SOX6: variants seen among roughly 807,000 people sequenced by gnomAD.
SOX6 encodes the protein SRY-box transcription factor 6.
In SOX6, 11 loss-of-function variants were observed where a neutral mutation model predicts 97.8. The observed-to-expected ratio is 0.11, with a 90% confidence interval of 0.07 to 0.19. The LOEUF (loss-of-function observed/expected upper bound fraction) is 0.19, where lower values mean the gene tolerates loss of function less well. SOX6 is among the 10% of genes least tolerant of loss of function. The probability of loss-of-function intolerance (pLI) is 1.00; values close to 1 mark genes in which losing one functional copy is unlikely to be tolerated. For synonymous variants in SOX6, 360 were observed against 371.4 expected (o/e 0.97, Z 0.35); for missense variants, 810 against 1,039.5 (o/e 0.78, Z 3.04).
chr11:15,972,867 T>A lies in SOX6; in HGVS notation c.2429A>T (p.Asp810Val). The A allele has an allele frequency of 6.2e-7, 1 of 1,614,192 alleles. No individual in the cohort carries two copies. ...TTCACTGCTATAGTCTGATTTGGGGTCATCTTCATAGTCATCATACATTTC... is the reference window on the plus strand; with the variant it reads ...TTCACTGCTATAGTCTGATTTGGGGACATCTTCATAGTCATCATACATTTC... ...EMEMYDDYED[D>V]PKSDYSSENE... Residue 810 changes from aspartate (D) to valine (V), a missense_variant, in exon 16 of 16, where the codon GAC becomes GTC. By Grantham distance (152) the Asp-to-Val change is radical (BLOSUM62 -3). Around this residue, in one of 9 missense-constraint regions of SOX6, gnomAD observed 122 missense variants for 153.4 expected, o/e 0.80. Transcript: ENST00000683767.
intron 3 of SOX6, among the ~76,000 whole-genome samples, chr11:16,633,105 G>C (rs1848735885): frequency 6.6e-6 from 1 of 152,196 alleles, no homozygotes. Context: ...GCTGAACCAG[G>C]AGAACAGGTG....
At chr11:16,384,420 T>C (rs528756139) in intron 1 of SOX6, among the ~76,000 whole-genome samples, 30 of 151,920 alleles carry the variant, frequency 2.0e-4, no homozygotes, top group Non-Finnish European at 3.2e-4. Context: ...AAAAATTTGA[T>C]TAGTTGTTGC....
intron 6 of SOX6, among the ~76,000 whole-genome samples, chr11:16,128,593 G>C (rs1218428971): frequency 6.6e-6 from 1 of 152,098 alleles, no homozygotes; most frequent in Non-Finnish European, 1.5e-5. Flanking sequence ...CAGATTTTCA[G>C]GGACAGAAAT....
intron 1 of SOX6, among the ~76,000 whole-genome samples, chr11:16,437,655 C>T (rs1282809812): frequency 6.6e-6 from 1 of 152,186 alleles, no homozygotes; most frequent in Non-Finnish European, 1.5e-5. Flanking sequence ...ACAGGGGCAA[C>T]TAACATTCAG....
intron 2 of SOX6, among the ~76,000 whole-genome samples, chr11:16,730,553 C>A (rs1848341769): frequency 6.6e-6 from 1 of 152,112 alleles, no homozygotes; most frequent in Non-Finnish European, 1.5e-5. Context: ...CCAATGAGAA[C>A]AAAGACACAA....
intron 3 of SOX6, among the ~76,000 whole-genome samples, chr11:16,708,061 C>G (rs1848150720): frequency 6.6e-6 from 1 of 152,230 alleles, no homozygotes; most frequent in East Asian, 1.9e-4. Flanking sequence ...ACAGTAATAA[C>G]AGTCACACAG....
At chr11:16,065,023 C>G (rs1362997385) in intron 9 of SOX6, among the ~76,000 whole-genome samples, 4 of 151,738 alleles carry the variant, frequency 2.6e-5, no homozygotes. Context: ...CTAGAGCAAT[C>G]AGACAAGAGA....
chr11:16,066,983 CT>C (rs1848108463), intron 9 of SOX6, among the ~76,000 whole-genome samples: 1 of 152,134 alleles, frequency 6.6e-6, no homozygotes, highest in African/African-American at 2.4e-5. Flanking sequence ...TGCATAGGGC[CT>C]GTAGCCCCTT....
chr11:16,684,849 C>T (rs1019138033), intron 3 of SOX6, among the ~76,000 whole-genome samples: 3 of 152,146 alleles, frequency 2.0e-5, no homozygotes, highest in Admixed American at 2.0e-4. Flanking sequence ...CACAATTCTG[C>T]AGGCTGCACA....
chr11:16,334,141 T>C (rs979918052), intron 2 of SOX6, among the ~76,000 whole-genome samples: 5 of 151,488 alleles, frequency 3.3e-5, no homozygotes, highest in African/African-American at 1.2e-4. Flanking sequence ...AAAATAAAAA[T>C]AAACATGACA....
chr11:16,497,217 G>A (rs1860615417), intron 4 of SOX6, among the ~76,000 whole-genome samples: 1 of 152,144 alleles, frequency 6.6e-6, no homozygotes, highest in Non-Finnish European at 1.5e-5. Context: ...GGACTAGAGT[G>A]GACCTCCAGC....
chr11:16,379,222 T>A (rs969848711), intron 1 of SOX6, among the ~76,000 whole-genome samples: 5 of 151,884 alleles, frequency 3.3e-5, no homozygotes, highest in Admixed American at 3.3e-4. Flanking sequence ...ATCCCAACAC[T>A]TTGGGAGGCT....
chr11:16,055,181 T>C (rs1022451989), intron 10 of SOX6, among the ~76,000 whole-genome samples: 1 of 152,176 alleles, frequency 6.6e-6, no homozygotes, highest in Non-Finnish European at 1.5e-5. Flanking sequence ...ATTTTATTTA[T>C]TTGTCCCATT....
intron 6 of SOX6, among the ~76,000 whole-genome samples, chr11:16,149,372 G>T (rs1446166516): frequency 6.6e-6 from 1 of 152,082 alleles, no homozygotes; most frequent in Non-Finnish European, 1.5e-5. Context: ...GCAATAAACA[G>T]ATTTCCAAAA....
At chr11:16,117,990 C>A (rs1378960207) in intron 6 of SOX6, among the ~76,000 whole-genome samples, 3 of 152,106 alleles carry the variant, frequency 2.0e-5, no homozygotes, top group Non-Finnish European at 4.4e-5. Flanking sequence ...GAAAGTGTAA[C>A]TTTCCCTAAA....
At chr11:16,079,484 G>A (rs1200902475) in intron 9 of SOX6, among the ~76,000 whole-genome samples, 4 of 151,994 alleles carry the variant, frequency 2.6e-5, no homozygotes, top group African/African-American at 9.7e-5. Flanking sequence ...TTTCTCAGCA[G>A]ACTTTGAAAG....
intron 4 of SOX6, among the ~76,000 whole-genome samples, chr11:16,597,175 G>GGTTC (rs1405934696): frequency 2.0e-5 from 3 of 151,978 alleles, no homozygotes; most frequent in Non-Finnish European, 2.9e-5. Flanking sequence ...GCACTTTAAA[G>GGTTC]GCTGACGAGT....
At chr11:16,135,365 T>C (rs1055384722) in intron 6 of SOX6, among the ~76,000 whole-genome samples, 5 of 152,184 alleles carry the variant, frequency 3.3e-5, no homozygotes, top group Admixed American at 3.3e-4. Flanking sequence ...CTTTCATACA[T>C]AATGATTCCT....
intron 1 of SOX6, among the ~76,000 whole-genome samples, chr11:16,423,374 A>G (rs149904986): frequency 5.8e-4 from 89 of 152,348 alleles, no homozygotes; most frequent in Non-Finnish European, 2.9e-5. Flanking sequence ...CTCAATAAAT[A>G]TTTATTGAAT....
Sources: gnomAD v4.1 joint callset for allele counts (sites outside exome capture counted in the v4.1 genomes callset) on GRCh38, gnomAD v4.1.1 for gene constraint, gnomAD v4.1.1 regional missense constraint, MANE v1.5 for transcripts, NCBI Gene and HGNC (gene_info 2026-07-23, HGNC 2026-07-21) for gene names.